The following GPHN variants were observed in gnomAD, a reference collection of about 807,000 sequenced individuals.
GPHN encodes gephyrin.
A neutral mutation model predicts 95.5 loss-of-function variants in GPHN; 17 were observed. That is an observed-to-expected ratio of 0.18 (90% CI 0.12 to 0.27). The LOEUF (loss-of-function observed/expected upper bound fraction) is 0.27, where lower values mean the gene tolerates loss of function less well. Ranked by LOEUF, GPHN falls within the 10% of genes least tolerant of loss-of-function variation. GPHN has a pLI of 1.00. For synonymous variants in GPHN, 320 were observed against 322.5 expected (o/e 0.99, Z 0.08); for missense variants, 660 against 978.1 (o/e 0.67, Z 4.34).
the GPHN span, chr14:67,724,579 C>T: frequency 6.2e-7 from 1 of 1,612,816 alleles, no homozygotes; most frequent in South Asian, 1.1e-5. Context: ...GGCCAGAGAG[C>T]TCGCTAGCCG....
intron 3 of GPHN, among the ~76,000 whole-genome samples, chr14:66,802,794 C>T (rs1302844394): frequency 3.3e-5 from 5 of 152,128 alleles, no homozygotes; most frequent in Non-Finnish European, 7.4e-5. Flanking sequence ...TGACCAGTGC[C>T]CTATCCTGCT....
At chr14:67,724,624 A>G in the GPHN span, 1 of 1,477,652 alleles carries the variant, frequency 6.8e-7, no homozygotes, top group African/African-American at 1.4e-5. Context: ...CCAAAGGGCC[A>G]TGCCTCCCAC....
chr14:66,820,872 G>A (rs113545096), intron 3 of GPHN, among the ~76,000 whole-genome samples: 79 of 152,220 alleles, frequency 5.2e-4, no homozygotes, highest in African/African-American at 1.6e-3. Flanking sequence ...TGACATATTA[G>A]GAGGGGGATT....
At chr14:67,365,983 G>A in the GPHN span, among the ~76,000 whole-genome samples, 8 of 151,858 alleles carry the variant, frequency 5.3e-5, no homozygotes, top group African/African-American at 1.9e-4. Flanking sequence ...CTATAGCCCC[G>A]CCCAAAATTA....
chr14:67,292,776 G>T, the GPHN span: 5 of 1,368,376 alleles, frequency 3.7e-6, no homozygotes, highest in Non-Finnish European at 4.1e-6. Context: ...TGGCAGGAAG[G>T]CAGGATTATT....
chr14:67,478,630 G>A, the GPHN span, among the ~76,000 whole-genome samples: 1 of 152,202 alleles, frequency 6.6e-6, no homozygotes, highest in East Asian at 1.9e-4. Flanking sequence ...GGGACGGCTG[G>A]CAAAGCCCTT....
chr14:67,579,798 A>T, the GPHN span: 1 of 1,611,678 alleles, frequency 6.2e-7, no homozygotes, highest in Middle Eastern at 1.6e-4. Flanking sequence ...TGAGAAAGCC[A>T]TCCCACTCTG....
intron 8 of GPHN, among the ~76,000 whole-genome samples, chr14:66,961,005 C>T (rs1307948282): frequency 6.6e-6 from 1 of 152,072 alleles, no homozygotes; most frequent in South Asian, 2.1e-4. Context: ...GAATAGCTGC[C>T]TCAACCCTGG....
At chr14:67,688,405 T>A in the GPHN span, among the ~76,000 whole-genome samples, 5 of 152,170 alleles carry the variant, frequency 3.3e-5, no homozygotes, top group African/African-American at 1.2e-4. Context: ...TGGAAAGATC[T>A]CCAAGATACT....
At chr14:67,080,620 T>C (rs2076657570) in intron 11 of GPHN, among the ~76,000 whole-genome samples, 2 of 152,158 alleles carry the variant, frequency 1.3e-5, no homozygotes, top group Admixed American at 1.3e-4. Context: ...TTATTATTAA[T>C]TTCCATAGGT....
chr14:67,187,295 CT>C, the GPHN span, among the ~76,000 whole-genome samples: 3 of 152,324 alleles, frequency 2.0e-5, no homozygotes, highest in South Asian at 6.2e-4. Context: ...CTCATTCTTT[CT>C]GCCTCCTACA....
At chr14:67,713,850 G>A in the GPHN span, among the ~76,000 whole-genome samples, 4 of 152,072 alleles carry the variant, frequency 2.6e-5, no homozygotes, top group Non-Finnish European at 4.4e-5. Context: ...GGGACAACTC[G>A]AAGCAGGGAG....
chr14:67,026,181 T>A (rs2073913268), intron 10 of GPHN, among the ~76,000 whole-genome samples: 1 of 152,202 alleles, frequency 6.6e-6, no homozygotes, highest in South Asian at 2.1e-4. Context: ...TAAAATGTGG[T>A]AATAACTTGT....
intron 1 of GPHN, among the ~76,000 whole-genome samples, chr14:66,592,020 T>C (rs1204475342): frequency 1.3e-5 from 2 of 152,232 alleles, no homozygotes; most frequent in East Asian, 3.9e-4. Context: ...ACAGCCATCT[T>C]ATCTTTGGCA....
At chr14:67,538,282 G>C in the GPHN span, among the ~76,000 whole-genome samples, 1 of 152,124 alleles carries the variant, frequency 6.6e-6, no homozygotes. Flanking sequence ...GTAGATATTG[G>C]GAGATCAGGA....
At chr14:67,636,272 A>AAAC in the GPHN span, among the ~76,000 whole-genome samples, 1 of 151,700 alleles carries the variant, frequency 6.6e-6, no homozygotes, top group East Asian at 1.9e-4. Context: ...AAAAAAAAAA[A>AAAC]CCCAAAAAAC....
the GPHN span, chr14:67,692,626 GCT>G: frequency 1.3e-6 from 2 of 1,516,424 alleles, no homozygotes; most frequent in Non-Finnish European, 1.8e-6. Context: ...GAAATGGTCA[GCT>G]CTGTTTTTGA....
chr14:66,556,276 C>T (rs2060004218), intron 1 of GPHN, among the ~76,000 whole-genome samples: 2 of 152,128 alleles, frequency 1.3e-5, no homozygotes, highest in South Asian at 2.1e-4. Flanking sequence ...CTCTTTTACA[C>T]AATTTTTTGC....
chr14:67,514,399 G>A, the GPHN span, among the ~76,000 whole-genome samples: 1 of 152,176 alleles, frequency 6.6e-6, no homozygotes, highest in African/African-American at 2.4e-5. Context: ...ATCCCAGCCA[G>A]GCATCTCTCA....
Sources: gnomAD v4.1 joint callset for allele counts (sites outside exome capture counted in the v4.1 genomes callset) on GRCh38, gnomAD v4.1.1 for gene constraint, MANE v1.5 for transcripts, NCBI Gene and HGNC (gene_info 2026-07-23, HGNC 2026-07-21) for gene names.